KLHL30: variants seen among roughly 807,000 people sequenced by gnomAD.
KLHL30 encodes the protein kelch like family member 30, also known as kelch-like protein 30.
In KLHL30, 55 loss-of-function variants were observed where a neutral mutation model predicts 55.0. That is an observed-to-expected ratio of 1.00 (90% CI 0.80 to 1.25). The LOEUF is 1.25. KLHL30 is among the 50% of genes most tolerant of loss of function. The pLI, the probability that KLHL30 is intolerant of heterozygous loss-of-function variation, is 0.00. For synonymous variants in KLHL30, 356 were observed against 372.6 expected (o/e 0.96, Z 0.51); for missense variants, 786 against 811.6 (o/e 0.97, Z 0.38).
rs1235776751 is a variant in KLHL30 at position 238,140,702 on chromosome 2, G to A, written c.-53G>A. 2.1e-6 allele frequency: 3 copies of A among 1,455,506 alleles called. No individual in the cohort carries two copies. The highest frequency in any genetic ancestry group is 1.4e-5 in the African/African-American group (1 of 70,152). 90.2% of individuals were successfully genotyped at this position (1,455,506 alleles called of 1,614,324 possible). Reference sequence around the variant, plus strand: ...TCTCCTAGGAGCTCGGGCGGCTCCAGGCACTTCTTCCCTTGAGTGGGTGGA... The same window carrying A: ...TCTCCTAGGAGCTCGGGCGGCTCCAAGCACTTCTTCCCTTGAGTGGGTGGA... On this transcript the variant is annotated 5_prime_UTR_variant, in exon 2 of 8. Coordinates refer to ENST00000409223, the MANE Select transcript of KLHL30 (RefSeq NM_198582.4).
At position 238,147,587 on chromosome 2, in the gene KLHL30, C is replaced by G. The variant is rs568327495; in HGVS notation, c.1151-247C>G. Among the ~76,000 whole-genome samples the G allele has an allele frequency of 2.5e-3, 387 of 152,162 alleles. 1 individual carries two copies. Among genetic ancestry groups the G allele is most frequent in the Non-Finnish European group, 4.4e-3 (297 of 67,990 alleles). On this transcript the variant is annotated intron_variant, in intron 5 of 7. Coordinates refer to ENST00000409223, the MANE Select transcript of KLHL30 (RefSeq NM_198582.4). This position sits in a 1 kb window ranked among gnomAD's most constrained non-coding sequence, Gnocchi z 5.8. ...TCCCCGCCACCCCGTTCCCAAACAT[C>G]AGCCCCAGCTCGAGCTCAGGAGTGG...
chr2:238,145,548 C>A, intron 4 of KLHL30, 129 bp from the exon 5 acceptor site: 1 of 1,072,078 alleles, frequency 9.3e-7, no homozygotes, highest in Non-Finnish European at 1.4e-6. Context: ...ACCCTGGTCC[C>A]ACCTCTGGCT....
At position 238,144,424 on chromosome 2, in the gene KLHL30, AAGGAAGGAAGGCAGGC is replaced by A. The variant is rs1454893282; in HGVS notation, c.908-474_908-459del. Among the ~76,000 whole-genome samples the A allele has an allele frequency of 8.2e-3, 677 of 82,294 alleles. 4 individuals carry two copies. Among genetic ancestry groups the A allele is most frequent in the Admixed American group, 0.015 (129 of 8,580 alleles). The allele number at this position is 82,294 out of a possible 152,430, so 54.0% of individuals were successfully genotyped here. A position where few individuals can be genotyped will look rare whatever the true frequency, so the allele number is the denominator to read the frequency against. On this transcript the variant is annotated intron_variant, in intron 3 of 7. Coordinates refer to ENST00000409223, the MANE Select transcript of KLHL30 (RefSeq NM_198582.4). ...GAAGGAAGGAAGGAAGGAAGGAAGGAAGGAAGGAAGGCAGGCAGGCAGGCAGGCAGGCAGGCAGGCA... is the reference window on the plus strand; with the variant it reads ...GAAGGAAGGAAGGAAGGAAGGAAGGAAGGCAGGCAGGCAGGCAGGCAGGCA...
chr2:238,147,819 G>A lies in KLHL30; in HGVS notation c.1151-15G>A, dbSNP rs373101827. ...TCCTCCCCAGCCCTGAACTGCCCCC[G>A]CCCTCACCCCACAGGCACCACCCTG... On this transcript the variant is annotated splice_polypyrimidine_tract_variant and intron_variant, in intron 5 of 7. Coordinates refer to ENST00000409223, the MANE Select transcript of KLHL30 (RefSeq NM_198582.4). This position sits in a 1 kb window ranked among gnomAD's most constrained non-coding sequence, Gnocchi z 5.8. The A allele has an allele frequency of 9.0e-5, 96 of 1,071,372 alleles. No individual in the cohort carries two copies. In the African/African-American group the frequency reaches 1.2e-3, roughly 14 times the overall value. The allele number at this position is 1,071,372 out of a possible 1,614,324, so 66.4% of individuals were successfully genotyped here.
At chr2:238,144,704 G>C (rs778929039) in intron 3 of KLHL30, among the ~76,000 whole-genome samples, 198 bp from the exon 4 acceptor site, 40 of 152,116 alleles carry the variant, frequency 2.6e-4, no homozygotes, top group Non-Finnish European at 4.9e-4. Context: ...CGGAGTGGGT[G>C]GGGGAGACAC....
chr2:238,140,591 C>G, intron 1 of KLHL30, 94 bp from the exon 2 acceptor site: 1 of 655,984 alleles, frequency 1.5e-6, no homozygotes, highest in Non-Finnish European at 2.6e-6. Flanking sequence ...CTGTGTTTAT[C>G]AAGGGGTGGA....
Position 238,150,948 on chromosome 2 carries a change from G to C in KLHL30, c.1620G>C (p.Arg540=). 1 of 1,579,666 alleles carries C rather than the reference G, an allele frequency of 6.3e-7. No individual in the cohort carries two copies. The highest frequency in any genetic ancestry group is 8.6e-7 in the Non-Finnish European group (1 of 1,164,098). The change falls in exon 8 of 8, where the codon CGG becomes CGC. Residue 540 remains arginine (R), a synonymous_variant. Transcript: ENST00000409223. The part of the protein sequence containing the change: ...HVEMEAYDTV[R]DTWTRHGALP... ...AGATGGAGGCCTACGACACGGTTCGGGACACCTGGACCCGCCACGGCGCCC... is the reference window on the plus strand; with the variant it reads ...AGATGGAGGCCTACGACACGGTTCGCGACACCTGGACCCGCCACGGCGCCC...
intron 3 of KLHL30, among the ~76,000 whole-genome samples, chr2:238,144,390 G>GGAAGGAAGGAAGGAAA (rs1559275806): frequency 4.2e-5 from 3 of 71,058 alleles, no homozygotes; most frequent in Non-Finnish European, 9.3e-5. Flanking sequence ...AAGGAAGGAA[G>GGAAGGAAGGAAGGAAA]GAAGGAAGGA....
chr2:238,150,763 C>A, intron 7 of KLHL30, 51 bp from the exon 8 acceptor site: 1 of 1,527,350 alleles, frequency 6.5e-7, no homozygotes, highest in Non-Finnish European at 8.8e-7. Context: ...CACCCTCAGC[C>A]CTGCTCTCCA....
chr2:238,151,614 C>T lies in KLHL30; in HGVS notation c.*549C>T, dbSNP rs564239066. ...TGGGCTTCAAGCTCCGCGTCCACCACACACGGGGCTGGCTGTGTGGGCTTT... is the reference window on the plus strand; with the variant it reads ...TGGGCTTCAAGCTCCGCGTCCACCATACACGGGGCTGGCTGTGTGGGCTTT... On this transcript the variant is annotated 3_prime_UTR_variant, in exon 8 of 8. Transcript: ENST00000409223. The T allele has an allele frequency of 1.9e-5, 3 of 157,650 alleles. No homozygotes were observed. Among genetic ancestry groups the T allele is most frequent in the African/African-American group, 2.4e-5 (1 of 41,658 alleles). 9.8% of individuals were successfully genotyped at this position (157,650 alleles called of 1,614,324 possible). A position where few individuals can be genotyped will look rare whatever the true frequency, so the allele number is the denominator to read the frequency against.
intron 5 of KLHL30, among the ~76,000 whole-genome samples, chr2:238,146,337 G>C (rs942398978): frequency 2.0e-5 from 3 of 150,918 alleles, no homozygotes; most frequent in Admixed American, 6.6e-5. Context: ...CCAGGAGTTT[G>C]AGACTAGCCT....
intron 2 of KLHL30, among the ~76,000 whole-genome samples, chr2:238,142,511 C>T (rs978320207): frequency 3.9e-5 from 6 of 152,184 alleles, no homozygotes; most frequent in Admixed American, 1.3e-4. Flanking sequence ...GGGACACCCT[C>T]GTGCCGCCTG....
rs202029139 is a variant in KLHL30, at chr2:238,147,951, G to C, written c.1268G>C (p.Arg423Pro). ...TTCTCGGCTGCCGGCTGCCGGGGCC[G>C]GCTCTACCTGGTGGGCTCCAGCGCC... is the stretch of plus-strand genomic sequence containing the variant. ...SNFSAAGCRG[R>P]LYLVGSSACK... The change falls in exon 6 of 8, where the codon CGG becomes CCG. Residue 423 changes from arginine (R) to proline (P), a missense_variant. By Grantham distance (103) the Arg-to-Pro change is moderately radical. Coordinates refer to ENST00000409223, the MANE Select transcript of KLHL30 (RefSeq NM_198582.4). The surrounding 1 kb of genome is among the most constrained non-coding windows in gnomAD (Gnocchi z 5.8). 6.3e-7 allele frequency: 1 copy of C among 1,581,620 alleles called. No individual in the cohort carries two copies. The highest frequency in any genetic ancestry group is 8.6e-7 in the Non-Finnish European group (1 of 1,165,286).
chr2:238,146,796 C>T (rs1010629732), intron 5 of KLHL30, among the ~76,000 whole-genome samples: 4 of 151,528 alleles, frequency 2.6e-5, no homozygotes, highest in Admixed American at 6.6e-5. Flanking sequence ...CTGAGGCAGG[C>T]GGATCACGAG....
In KLHL30 at chr2:238,149,155, G is replaced by A; in HGVS notation, c.1485+3G>A. The A allele has an allele frequency of 6.2e-7, 1 of 1,612,462 alleles. No individual in the cohort carries two copies. The highest frequency in any genetic ancestry group is 8.5e-7 in the Non-Finnish European group (1 of 1,179,734). On this transcript the variant is annotated splice_donor_region_variant and intron_variant, in intron 7 of 7. Transcript: ENST00000409223. ...CCGGGGCCAACCTGTGGCAGAAGGT[G>A]GGCCGCCCCCTCCCCCAACATGTGT...
rs763951040 is a variant in KLHL30, at chr2:238,140,845, A to T, written c.91A>T (p.Lys31Ter). 9 of 1,610,448 alleles carry T rather than the reference A, an allele frequency of 5.6e-6. No homozygotes were observed. Among genetic ancestry groups the T allele is most frequent in the Non-Finnish European group, 7.6e-6 (9 of 1,178,238 alleles). Residue 31 changes from lysine to a stop codon, truncating the protein, a stop_gained, in exon 2 of 8, where the codon AAG becomes TAG. Coordinates refer to ENST00000409223, the MANE Select transcript of KLHL30 (RefSeq NM_198582.4). LOFTEE classifies it high-confidence loss of function. ...DGLQRLRSQP[K>*]LADVTLLVGG... ...CCTGCAGCGCCTGCGCTCTCAGCCCAAGCTGGCCGACGTCACACTGCTGGT... is the reference window on the plus strand; with the variant it reads ...CCTGCAGCGCCTGCGCTCTCAGCCCTAGCTGGCCGACGTCACACTGCTGGT...
chr2:238,139,744 G>A (rs908658298), intron 1 of KLHL30, among the ~76,000 whole-genome samples: 2 of 152,232 alleles, frequency 1.3e-5, no homozygotes, highest in Non-Finnish European at 2.9e-5. Context: ...GGATGGCCCC[G>A]CGAGGCGCCC....
chr2:238,148,943 G>T, intron 6 of KLHL30, 64 bp from the exon 7 acceptor site: 1 of 1,507,824 alleles, frequency 6.6e-7, no homozygotes, highest in South Asian at 1.2e-5. Context: ...TCAGAGTGGG[G>T]CACAGTGCTA....
At chr2:238,144,436 C>A (rs59705756) in intron 3 of KLHL30, among the ~76,000 whole-genome samples, 7,257 of 76,206 alleles carry the variant, frequency 0.095, 278 homozygotes, top group East Asian at 0.16. Context: ...GGAAGGAAGG[C>A]AGGCAGGCAG....
Sources: gnomAD v4.1 joint callset for allele counts (sites outside exome capture counted in the v4.1 genomes callset) on GRCh38, gnomAD v4.1.1 for gene constraint, Gnocchi (gnomAD v3.1) non-coding constraint, MANE v1.5 for transcripts, NCBI Gene and HGNC (gene_info 2026-07-23, HGNC 2026-07-21) for gene names.